Variants in PITPNA observed in about 807,000 individuals in gnomAD.
The protein encoded by PITPNA is phosphatidylinositol transfer protein alpha.
Under a neutral mutation model 50.3 loss-of-function variants are expected in PITPNA, and 13 were observed. That is an observed-to-expected ratio of 0.26 (90% CI 0.17 to 0.41). The LOEUF (loss-of-function observed/expected upper bound fraction) is 0.41, where lower values mean the gene tolerates loss of function less well. Among genes scored for constraint, PITPNA ranks in the 10% least tolerant of loss-of-function variants. The probability of loss-of-function intolerance (pLI) is 1.00; values close to 1 mark genes in which losing one functional copy is unlikely to be tolerated. For missense variants in PITPNA, 207 were observed against 333.4 expected (o/e 0.62, Z 2.95); for synonymous variants, 120 against 119.6 (o/e 1.00, Z -0.02).
At chr17:1,523,037 G>C (rs562280220) in intron 10 of PITPNA, among the ~76,000 whole-genome samples, 1 of 152,184 alleles carries the variant, frequency 6.6e-6, no homozygotes, top group African/African-American at 2.4e-5. Flanking sequence ...CAAGGATGCA[G>C]AGGTGGAAAG....
chr17:1,536,206 A>G (rs1261908826), intron 7 of PITPNA, among the ~76,000 whole-genome samples: 1 of 152,194 alleles, frequency 6.6e-6, no homozygotes, highest in Non-Finnish European at 1.5e-5. Flanking sequence ...ATACAAACTT[A>G]TAGCATCTAC....
intron 10 of PITPNA, among the ~76,000 whole-genome samples, chr17:1,527,828 C>A (rs1466246068): frequency 6.6e-6 from 1 of 152,160 alleles, no homozygotes; most frequent in Admixed American, 6.5e-5. Flanking sequence ...GATCTTTCCA[C>A]GTTATTTTTT....
chr17:1,539,054 T>G, intron 6 of PITPNA, 102 bp from the exon 7 acceptor site: 1 of 681,660 alleles, frequency 1.5e-6, no homozygotes, highest in Non-Finnish European at 2.6e-6. Context: ...TAGCCACAGA[T>G]GTAAGATTCC....
chr17:1,540,383 G>A (rs1328772089), intron 6 of PITPNA, among the ~76,000 whole-genome samples: 1 of 152,098 alleles, frequency 6.6e-6, no homozygotes. Context: ...CCACCTCTAA[G>A]AGATCCTACA....
chr17:1,533,668 G>A (rs1381675113), intron 10 of PITPNA, among the ~76,000 whole-genome samples: 4 of 152,166 alleles, frequency 2.6e-5, no homozygotes, highest in South Asian at 2.1e-4. Flanking sequence ...CAAAATGACC[G>A]TAGACAGCCG....
Position 1,518,622 on chromosome 17 carries a change from A to G in PITPNA, c.*1939T>C, listed in dbSNP as rs547701021. ...AGGAGCCCTTGTTAGGGCTAAAGTG[A>G]TATGTGTGGGTCTCAAGAGCCAAAG... is the stretch of plus-strand genomic sequence containing the variant. On this transcript the variant is annotated 3_prime_UTR_variant, in exon 12 of 12. Coordinates refer to ENST00000313486, the MANE Select transcript of PITPNA (RefSeq NM_006224.4). The G allele has an allele frequency of 7.9e-5, 12 of 152,636 alleles. No homozygotes were observed. In the East Asian group the frequency reaches 1.5e-3, roughly 20 times the overall value. 9.5% of individuals were successfully genotyped at this position (152,636 alleles called of 1,614,324 possible).
At chr17:1,545,512 T>C (rs1178331092) in intron 4 of PITPNA, among the ~76,000 whole-genome samples, 1 of 152,192 alleles carries the variant, frequency 6.6e-6, no homozygotes, top group Non-Finnish European at 1.5e-5. Context: ...TGAAGGTGTA[T>C]CCTGAATAGG....
Position 1,561,791 on chromosome 17 carries a change from C to G in PITPNA, c.20+750G>C, listed in dbSNP as rs2075769558. 4.6e-5 allele frequency among the ~76,000 whole-genome samples: 7 copies of G among 152,284 alleles called. No individual in the cohort carries two copies. The South Asian group carries it at 1.4e-3, about 32-fold the overall frequency. ...CAGGCCCTGACTTCCTAGTCCTCCT[C>G]CTGTGTCCACTTACCACCACCCCTC... On this transcript the variant is annotated intron_variant, in intron 1 of 11. Coordinates refer to ENST00000313486, the MANE Select transcript of PITPNA (RefSeq NM_006224.4).
At position 1,549,586 on chromosome 17, in the gene PITPNA, G is replaced by A. The variant is rs912406025; in HGVS notation, c.198-1199C>T. Among the ~76,000 whole-genome samples, 2 of 144,712 alleles carry A rather than the reference G, an allele frequency of 1.4e-5. 1 individual carries two copies. Among genetic ancestry groups the A allele is most frequent in the African/African-American group, 5.2e-5 (2 of 38,310 alleles). 94.9% of individuals were successfully genotyped at this position (144,712 alleles called of 152,430 possible). A position where few individuals can be genotyped will look rare whatever the true frequency, so the allele number is the denominator to read the frequency against. On this transcript the variant is annotated intron_variant, in intron 3 of 11. Transcript: ENST00000313486. ...CCGCCTCAGCCTCCCAAAGTGCTGA[G>A]ATTACAGTGGCGTGAGCCACCGTGC...
At chr17:1,528,660 C>T (rs1468241755) in intron 10 of PITPNA, among the ~76,000 whole-genome samples, 2 of 151,730 alleles carry the variant, frequency 1.3e-5, no homozygotes, top group African/African-American at 4.9e-5. Context: ...TCACTTGAGC[C>T]CAGAAGTTGA....
At chr17:1,553,204 C>G (rs772623231) in intron 2 of PITPNA, 55 bp from the exon 3 acceptor site, 26 of 1,587,480 alleles carry the variant, frequency 1.6e-5, no homozygotes, top group Non-Finnish European at 2.2e-5. Context: ...AACGGTTACA[C>G]GTAATCCAGC....
Position 1,549,374 on chromosome 17 carries a change from T to C in PITPNA, c.198-987A>G, listed in dbSNP as rs550759073. 1.3e-3 allele frequency among the ~76,000 whole-genome samples: 192 copies of C among 150,430 alleles called. 1 individual carries two copies. The highest frequency in any genetic ancestry group is 4.2e-3 in the African/African-American group (171 of 40,730). On this transcript the variant is annotated intron_variant, in intron 3 of 11. Transcript: ENST00000313486. ...CTGTGTCACCCAAGCTGGAGTGTAG[T>C]GGCTCGATCTTGGCTCACTGCAAGC...
intron 10 of PITPNA, among the ~76,000 whole-genome samples, chr17:1,522,271 C>T (rs1291000120): frequency 2.0e-5 from 3 of 151,024 alleles, no homozygotes; most frequent in African/African-American, 7.3e-5. Context: ...CGGGGTTTCA[C>T]CTTGTTAGCC....
At position 1,553,025 on chromosome 17, in the gene PITPNA, T is replaced by A. The variant is rs770136189; in HGVS notation, c.176A>T (p.His59Leu). 6.2e-7 allele frequency: 1 copy of A among 1,614,016 alleles called. No individual in the cohort carries two copies. The highest frequency in any genetic ancestry group is 8.5e-7 in the Non-Finnish European group (1 of 1,179,888). Residue 59 changes from histidine (H) to leucine (L), a missense_variant, in exon 3 of 12, where the codon CAC (histidine) becomes CTC (leucine). By Grantham distance (99) the His-to-Leu change is moderately conservative (BLOSUM62 -3). Coordinates refer to ENST00000313486, the MANE Select transcript of PITPNA (RefSeq NM_006224.4). The part of the protein sequence containing the change: ...EKDGEKGQYT[H>L]KIYHLQSKVP... Reference sequence around the variant, plus strand: ...ATACCTCTGCAGGTGGTAGATCTTGTGTGTGTACTGGCCTTTCTCACCGTC... The same window carrying A: ...ATACCTCTGCAGGTGGTAGATCTTGAGTGTGTACTGGCCTTTCTCACCGTC...
chr17:1,540,506 T>C (rs990361576), intron 6 of PITPNA, among the ~76,000 whole-genome samples: 1 of 152,176 alleles, frequency 6.6e-6, no homozygotes, highest in African/African-American at 2.4e-5. Flanking sequence ...CTGCTCTCTA[T>C]TGGTTTTTCC....
Position 1,535,297 on chromosome 17 carries a change from A to G in PITPNA, c.535-5T>C, listed in dbSNP as rs781058348. ...CTTCTGGTTTACAAGCTCTTGCTGC[A>G]TTAGAAACATACCCATGGGTACGCA... On this transcript the variant is annotated splice_polypyrimidine_tract_variant and splice_region_variant and intron_variant, in intron 8 of 11. Coordinates refer to ENST00000313486, the MANE Select transcript of PITPNA (RefSeq NM_006224.4). 1 of 1,600,254 alleles carries G rather than the reference A, an allele frequency of 6.2e-7. No homozygotes were observed. Among genetic ancestry groups the G allele is most frequent in the Non-Finnish European group, 8.6e-7 (1 of 1,167,368 alleles).
intron 4 of PITPNA, 51 bp from the exon 5 acceptor site, chr17:1,543,078 T>A: frequency 6.8e-7 from 1 of 1,465,012 alleles, no homozygotes; most frequent in Non-Finnish European, 9.3e-7. Flanking sequence ...TTAATGAAGA[T>A]GAAGAAATAT....
At chr17:1,544,036 TG>T (rs1186710250) in intron 4 of PITPNA, among the ~76,000 whole-genome samples, 2 of 152,000 alleles carry the variant, frequency 1.3e-5, no homozygotes, top group Admixed American at 1.3e-4. Context: ...ATCCCTGGAG[TG>T]GGGGCAGCAG....
At chr17:1,550,478 G>C (rs2075702483) in intron 3 of PITPNA, among the ~76,000 whole-genome samples, 1 of 152,138 alleles carries the variant, frequency 6.6e-6, no homozygotes, top group Non-Finnish European at 1.5e-5. Context: ...AACCGGTGCA[G>C]GTACAAGGTG....
Sources: gnomAD v4.1 joint callset for allele counts (sites outside exome capture counted in the v4.1 genomes callset) on GRCh38, gnomAD v4.1.1 for gene constraint, MANE v1.5 for transcripts, NCBI Gene and HGNC (gene_info 2026-07-23, HGNC 2026-07-21) for gene names.